The following NSMCE2 variants were observed in gnomAD, a reference collection of about 807,000 sequenced individuals.
NSMCE2 encodes the protein NSE2 SUMO ligase component of SMC5/6 complex.
A neutral mutation model predicts 23.8 loss-of-function variants in NSMCE2; 24 were observed. The observed-to-expected ratio is 1.01, with a 90% confidence interval of 0.73 to 1.42. The LOEUF (loss-of-function observed/expected upper bound fraction) is 1.42, where lower values mean the gene tolerates loss of function less well. Among genes scored for constraint, NSMCE2 ranks in the 40% most tolerant of loss-of-function variants. The pLI, the probability that NSMCE2 is intolerant of heterozygous loss-of-function variation, is 0.00. For missense variants in NSMCE2, 284 were observed against 296.5 expected, an observed-to-expected ratio of 0.96 and a Z score of 0.31; for synonymous variants, 92 against 94.1, an observed-to-expected ratio of 0.98 and a Z score of 0.13.
chr8:125,189,413 G>A (rs187176358), intron 5 of NSMCE2, among the ~76,000 whole-genome samples: 2 of 152,320 alleles, frequency 1.3e-5, no homozygotes, highest in East Asian at 3.9e-4. Flanking sequence ...AAGAAGGAGA[G>A]GAAGTTGCTT....
intron 5 of NSMCE2, among the ~76,000 whole-genome samples, chr8:125,356,700 C>A (rs1284797611): frequency 6.6e-6 from 1 of 152,074 alleles, no homozygotes; most frequent in Non-Finnish European, 1.5e-5. Context: ...ATAAATATAA[C>A]CCACATAGAA....
chr8:125,323,370 A>C (rs940581194), intron 5 of NSMCE2, among the ~76,000 whole-genome samples: 4 of 152,158 alleles, frequency 2.6e-5, no homozygotes, highest in African/African-American at 9.6e-5. Flanking sequence ...AAAAGGACAA[A>C]GTTAGAGAAC....
intron 3 of NSMCE2, among the ~76,000 whole-genome samples, chr8:125,137,130 C>A (rs1475664664): frequency 6.6e-6 from 1 of 152,008 alleles, no homozygotes; most frequent in Non-Finnish European, 1.5e-5. Context: ...TATTCTCCGA[C>A]AGATAGGAAT....
intron 4 of NSMCE2, among the ~76,000 whole-genome samples, chr8:125,173,525 G>T (rs1822326206): frequency 6.6e-6 from 1 of 152,172 alleles, no homozygotes; most frequent in African/African-American, 2.4e-5. Flanking sequence ...CTAGATGATA[G>T]GGTATGTGGT....
intron 5 of NSMCE2, among the ~76,000 whole-genome samples, chr8:125,342,526 C>G (rs1369776659): frequency 1.3e-5 from 2 of 152,104 alleles, no homozygotes; most frequent in Non-Finnish European, 2.9e-5. Context: ...GGAAGGAAGG[C>G]TTAGAGGCAA....
At chr8:125,330,749 C>G (rs765617145) in intron 5 of NSMCE2, among the ~76,000 whole-genome samples, 1 of 152,092 alleles carries the variant, frequency 6.6e-6, no homozygotes, top group African/African-American at 2.4e-5. Context: ...GAGTGGGAAA[C>G]GCCAGAGGCT....
At chr8:125,147,469 A>C (rs1820753899) in intron 3 of NSMCE2, among the ~76,000 whole-genome samples, 1 of 152,188 alleles carries the variant, frequency 6.6e-6, no homozygotes, top group Admixed American at 6.6e-5. Flanking sequence ...GCAGATAAGA[A>C]AGGAAAGATT....
At chr8:125,327,595 CAA>C (rs912192101) in intron 5 of NSMCE2, among the ~76,000 whole-genome samples, 10 of 151,738 alleles carry the variant, frequency 6.6e-5, no homozygotes, top group South Asian at 2.1e-4. Context: ...GAGCTATAGA[CAA>C]GAGAGAGGGT....
intron 3 of NSMCE2, among the ~76,000 whole-genome samples, chr8:125,123,638 G>A (rs553786693): frequency 1.3e-5 from 2 of 152,312 alleles, no homozygotes; most frequent in East Asian, 3.9e-4. Context: ...ATCTTGTGTA[G>A]ATCAACATGT....
At chr8:125,308,977 G>C (rs2131223492) in intron 5 of NSMCE2, among the ~76,000 whole-genome samples, 1 of 152,344 alleles carries the variant, frequency 6.6e-6, no homozygotes. Flanking sequence ...GGGCACGGTG[G>C]CTTACGCCTG....
At chr8:125,357,406 C>A in intron 6 of NSMCE2, 87 bp downstream of exon 6, 1 of 957,086 alleles carries the variant, frequency 1.0e-6, no homozygotes, top group Non-Finnish European at 1.7e-6. Context: ...GGTTTGATTT[C>A]ACTTAGGGAG....
rs530562805 is a variant in NSMCE2 at position 125,257,487 on chromosome 8, G to A, written c.418+75231G>A. On this transcript the variant is annotated intron_variant, in intron 5 of 7. Transcript: ENST00000287437. ...GATAAGGATTGAGGAAGGGTCATTG[G>A]TAACTTTTGCCAAGCTGGACAAAAC... is the stretch of plus-strand genomic sequence containing the variant. 2.7e-5 allele frequency among the ~76,000 whole-genome samples: 4 copies of A among 148,276 alleles called. No homozygotes were observed. The South Asian group carries it at 8.6e-4, about 32-fold the overall frequency.
chr8:125,244,872 A>G (rs1825897449), intron 5 of NSMCE2, among the ~76,000 whole-genome samples: 1 of 152,254 alleles, frequency 6.6e-6, no homozygotes, highest in South Asian at 2.1e-4. Flanking sequence ...GCGACTGCTC[A>G]AAGCTTAAAC....
chr8:125,218,963 C>G (rs776625542), intron 5 of NSMCE2, among the ~76,000 whole-genome samples: 1 of 152,166 alleles, frequency 6.6e-6, no homozygotes, highest in Non-Finnish European at 1.5e-5. Flanking sequence ...TTGGTCTCTG[C>G]AGACCAAATT....
At chr8:125,260,481 T>A (rs1351603073) in intron 5 of NSMCE2, among the ~76,000 whole-genome samples, 1 of 151,074 alleles carries the variant, frequency 6.6e-6, no homozygotes. Context: ...ATCTGGGTTC[T>A]AGCCCTCCCT....
chr8:125,102,765 G>A (rs1818260618), intron 3 of NSMCE2, among the ~76,000 whole-genome samples: 1 of 152,136 alleles, frequency 6.6e-6, no homozygotes, highest in Non-Finnish European at 1.5e-5. Context: ...ACAATCTAAA[G>A]TATTTGACAT....
intron 5 of NSMCE2, among the ~76,000 whole-genome samples, chr8:125,234,542 TAATA>T (rs1825464461): frequency 6.6e-6 from 1 of 152,176 alleles, no homozygotes; most frequent in African/African-American, 2.4e-5. Context: ...TATAATAACT[TAATA>T]AAACCTGTAA....
At chr8:125,364,036 T>C (rs1813680984) in intron 7 of NSMCE2, among the ~76,000 whole-genome samples, 1 of 152,088 alleles carries the variant, frequency 6.6e-6, no homozygotes, top group African/African-American at 2.4e-5. Context: ...CCCCACCTCC[T>C]GGATTCAAGT....
intron 5 of NSMCE2, among the ~76,000 whole-genome samples, chr8:125,315,802 T>TG (rs1489136462): frequency 8.5e-6 from 1 of 117,228 alleles, no homozygotes; most frequent in Non-Finnish European, 2.1e-5. Flanking sequence ...GGTACCCTTT[T>TG]TTTTCCCTCT....
Sources: gnomAD v4.1 joint callset for allele counts (sites outside exome capture counted in the v4.1 genomes callset) on GRCh38, gnomAD v4.1.1 for gene constraint, MANE v1.5 for transcripts, NCBI Gene and HGNC (gene_info 2026-07-23, HGNC 2026-07-21) for gene names.